The following GLRA1 variants were observed in gnomAD, a reference collection of about 807,000 sequenced individuals.
The protein encoded by GLRA1 is glycine receptor alpha 1.
In GLRA1, 37 loss-of-function variants were observed where a neutral mutation model predicts 48.3. That is an observed-to-expected ratio of 0.77 (90% CI 0.59 to 1.01). GLRA1 has a LOEUF of 1.01. Ranked by LOEUF, GLRA1 falls within the 50% of genes least tolerant of loss-of-function variation. GLRA1 has a pLI of 0.00. For synonymous variants in GLRA1, 196 were observed against 210.7 expected, an observed-to-expected ratio of 0.93 and a Z score of 0.60; for missense variants, 427 against 571.0, an observed-to-expected ratio of 0.75 and a Z score of 2.57.
intron 6 of GLRA1, among the ~76,000 whole-genome samples, chr5:151,853,396 C>T (rs1752956997): frequency 6.6e-6 from 1 of 150,554 alleles, no homozygotes; most frequent in Non-Finnish European, 1.5e-5. Context: ...CAGGTATGTG[C>T]CACCATGCCC....
intron 1 of GLRA1, among the ~76,000 whole-genome samples, chr5:151,899,057 G>T (rs78715644): frequency 0.022 from 3,323 of 152,176 alleles, 67 homozygotes; most frequent in Middle Eastern, 0.065. Context: ...AGAAGAGAAT[G>T]GGAAATGATG....
chr5:151,835,027 CAAAAAAAA>C (rs60718344), intron 7 of GLRA1, among the ~76,000 whole-genome samples: 7 of 52,540 alleles, frequency 1.3e-4, no homozygotes, highest in South Asian at 8.3e-4. Flanking sequence ...GACAACATCT[CAAAAAAAA>C]AAAAAAAAAA....
intron 3 of GLRA1, among the ~76,000 whole-genome samples, chr5:151,886,189 A>G (rs1448477385): frequency 2.0e-5 from 3 of 152,256 alleles, no homozygotes; most frequent in Non-Finnish European, 4.4e-5. Context: ...GGAAGAAAAT[A>G]AAAATTATTC....
chr5:151,916,803 T>C (rs1754751916), intron 1 of GLRA1, among the ~76,000 whole-genome samples: 1 of 152,180 alleles, frequency 6.6e-6, no homozygotes, highest in African/African-American at 2.4e-5. Flanking sequence ...CCCTTCTCTT[T>C]ATCTAGTGTC....
intron 1 of GLRA1, among the ~76,000 whole-genome samples, chr5:151,901,510 G>A (rs897149375): frequency 1.3e-5 from 2 of 152,190 alleles, no homozygotes; most frequent in Admixed American, 6.5e-5. Flanking sequence ...TGCATCCCAC[G>A]AGTTGGACAG....
chr5:151,903,103 T>C (rs1754402143), intron 1 of GLRA1, among the ~76,000 whole-genome samples: 1 of 152,096 alleles, frequency 6.6e-6, no homozygotes, highest in Non-Finnish European at 1.5e-5. Context: ...AATGGACCCA[T>C]AGGAAATGCA....
At chr5:151,842,459 A>G (rs1763736201) in intron 7 of GLRA1, among the ~76,000 whole-genome samples, 1 of 152,218 alleles carries the variant, frequency 6.6e-6, no homozygotes, top group South Asian at 2.1e-4. Context: ...TTAGTTGAAC[A>G]TACAAAAATC....
chr5:151,844,740 C>G (rs180806082), intron 7 of GLRA1, among the ~76,000 whole-genome samples: 2 of 150,746 alleles, frequency 1.3e-5, no homozygotes, highest in African/African-American at 4.9e-5. Context: ...ATAAATGATA[C>G]TATCAACCAA....
chr5:151,871,443 A>G (rs957843770), intron 3 of GLRA1, among the ~76,000 whole-genome samples: 3 of 144,618 alleles, frequency 2.1e-5, no homozygotes, highest in Non-Finnish European at 4.4e-5. Context: ...ACTGAAAGGC[A>G]TAAAGGAATA....
At chr5:151,857,903 C>T (rs888182592) in intron 4 of GLRA1, among the ~76,000 whole-genome samples, 2 of 152,160 alleles carry the variant, frequency 1.3e-5, no homozygotes, top group Non-Finnish European at 2.9e-5. Flanking sequence ...GGTGAGAAAC[C>T]CAGGGTGCAG....
At chr5:151,888,461 G>A (rs1254305859) in intron 2 of GLRA1, among the ~76,000 whole-genome samples, 2 of 152,154 alleles carry the variant, frequency 1.3e-5, no homozygotes, top group Admixed American at 6.5e-5. Flanking sequence ...GATCTAGGCG[G>A]TCATTCTCAG....
At chr5:151,857,604 C>G (rs540564960) in intron 4 of GLRA1, among the ~76,000 whole-genome samples, 1 of 152,346 alleles carries the variant, frequency 6.6e-6, no homozygotes, top group African/African-American at 2.4e-5. Flanking sequence ...TGTCCAGACA[C>G]AGTTGACTAC....
intron 1 of GLRA1, among the ~76,000 whole-genome samples, chr5:151,893,982 G>T (rs140074902): frequency 5.9e-5 from 9 of 152,254 alleles, no homozygotes; most frequent in Non-Finnish European, 7.4e-5. Context: ...AATGTTAGAG[G>T]CTCAAAGGTT....
At chr5:151,881,161 A>C (rs1395002937) in intron 3 of GLRA1, among the ~76,000 whole-genome samples, 1 of 152,232 alleles carries the variant, frequency 6.6e-6, no homozygotes, top group Non-Finnish European at 1.5e-5. Flanking sequence ...CATACTACAC[A>C]GATCCATAGA....
chr5:151,860,534 C>G (rs1477185761), intron 3 of GLRA1, among the ~76,000 whole-genome samples: 4 of 152,164 alleles, frequency 2.6e-5, no homozygotes, highest in African/African-American at 4.8e-5. Context: ...TCAAACTATT[C>G]TGCCTAAAGA....
intron 1 of GLRA1, 115 bp from the exon 2 acceptor site, chr5:151,892,553 A>G (rs1176972945): frequency 6.0e-6 from 6 of 1,001,764 alleles, no homozygotes; most frequent in Admixed American, 4.0e-5. Context: ...AGCTGGAGTA[A>G]TATGGGTAAT....
At chr5:151,850,088 C>A (rs1217116776) in intron 7 of GLRA1, 1 of 1,604,086 alleles carries the variant, frequency 6.2e-7, no homozygotes, top group East Asian at 2.2e-5. Flanking sequence ...AGGAATATAC[C>A]CTCATGGGGA....
chr5:151,887,896 A>C (rs1194061464), intron 2 of GLRA1, among the ~76,000 whole-genome samples: 1 of 152,254 alleles, frequency 6.6e-6, no homozygotes, highest in African/African-American at 2.4e-5. Flanking sequence ...AAGACCTCAG[A>C]AAGGTGGTGG....
rs1561543545 is a variant in GLRA1 at position 151,822,841 on chromosome 5, A to AG, written c.1181dup (p.Pro395SerfsTer5). ...CCTCTGGGGACTTAGATGGTGCAGG[A>AG]GGGGGGTTGGTGGTGTTACTGTTGT... On this transcript the variant is annotated frameshift_variant, in exon 9 of 9. Coordinates refer to ENST00000274576, the MANE Select transcript of GLRA1 (RefSeq NM_000171.4). LOFTEE classifies it high-confidence loss of function. 1 of 1,614,022 alleles carries AG rather than the reference A, an allele frequency of 6.2e-7. No homozygotes were observed. Among genetic ancestry groups the AG allele is most frequent in the Non-Finnish European group, 8.5e-7 (1 of 1,179,984 alleles).
Sources: allele counts gnomAD v4.1 joint callset (sites outside exome capture counted in the v4.1 genomes callset), GRCh38; gene constraint gnomAD v4.1.1; transcripts MANE v1.5; gene names NCBI Gene and HGNC (gene_info 2026-07-23, HGNC 2026-07-21).